Variants in ATP9A observed in about 807,000 individuals in gnomAD.
The protein encoded by ATP9A is ATPase phospholipid transporting 9A, also known as probable phospholipid-transporting ATPase IIA.
ATP9A carries 52 observed loss-of-function variants against 144.1 expected under a neutral mutation model. The observed-to-expected ratio is 0.36, with a 90% confidence interval of 0.29 to 0.45. ATP9A has a LOEUF of 0.45. Ranked by LOEUF, ATP9A falls within the 20% of genes least tolerant of loss-of-function variation. The pLI, the probability that ATP9A is intolerant of heterozygous loss-of-function variation, is 1.00. For synonymous variants in ATP9A, 582 were observed against 557.4 expected, an observed-to-expected ratio of 1.04 and a Z score of -0.62; for missense variants, 947 against 1,392.7, an observed-to-expected ratio of 0.68 and a Z score of 5.09.
intron 7 of ATP9A, 41 bp downstream of exon 7, chr20:51,693,962 CTAAGA>C (rs1310619773): frequency 6.4e-7 from 1 of 1,554,030 alleles, no homozygotes; most frequent in Non-Finnish European, 8.8e-7. Flanking sequence ...GAGAACCCTG[CTAAGA>C]TAGGTTGCCC....
intron 3 of ATP9A, among the ~76,000 whole-genome samples, chr20:51,724,623 C>G (rs1314524356): frequency 5.3e-5 from 8 of 152,218 alleles, no homozygotes; most frequent in Non-Finnish European, 7.3e-5. Context: ...TATTGTCTAT[C>G]CCTTCTGAAT....
Position 51,617,619 on chromosome 20 carries a change from T to C in ATP9A, c.2351-65A>G. ...CTTACCTTAACCAAGAATGTATGCT[T>C]GTCTTTACCGCACTCTCGTCTTTCA... On this transcript the variant is annotated intron_variant, in intron 21 of 27. Transcript: ENST00000338821. 2.6e-6 allele frequency: 4 copies of C among 1,551,280 alleles called. No homozygotes were observed. The Middle Eastern group carries it at 6.7e-4, about 260-fold the overall frequency.
At chr20:51,706,855 CAGCAGTTTTTCAAACAGCTCAGTG>C (rs2122841753) in intron 4 of ATP9A, among the ~76,000 whole-genome samples, 1 of 152,324 alleles carries the variant, frequency 6.6e-6, no homozygotes, top group Non-Finnish European at 1.5e-5. Flanking sequence ...CTAATTTGAA[CAGCAGTTTTTCAAACAGCTCAGTG>C]CCACCTTTTT....
chr20:51,657,116 G>T lies in ATP9A; in HGVS notation c.1328C>A (p.Thr443Lys). 1 of 1,614,152 alleles carries T rather than the reference G, an allele frequency of 6.2e-7. No individual in the cohort carries two copies. The highest frequency in any genetic ancestry group is 8.5e-7 in the Non-Finnish European group (1 of 1,180,038). ...SQDPPAQKGP[T>K]LTTKVRRTMS... is the part of the protein sequence containing the mutation. ...GGTCCGCCGGACCTTAGTGGTGAGC[G>T]TTGGGCCCTTCTGAGCCGGTGGGTC... The change falls in exon 14 of 28, where the codon ACG becomes AAG. Residue 443 changes from threonine to lysine, a missense_variant. Thr to Lys is a moderately conservative substitution (Grantham distance 78). This residue lies in a region of ATP9A where 770 missense variants were observed against 1,047.9 expected (regional missense o/e 0.73). Coordinates refer to ENST00000338821, the MANE Select transcript of ATP9A (RefSeq NM_006045.3).
chr20:51,766,300 T>C (rs1463530171), intron 1 of ATP9A, among the ~76,000 whole-genome samples: 1 of 152,176 alleles, frequency 6.6e-6, no homozygotes, highest in African/African-American at 2.4e-5. Flanking sequence ...TCCCTGGTGA[T>C]TGCAATGAAC....
intron 15 of ATP9A, among the ~76,000 whole-genome samples, chr20:51,630,154 G>A (rs1308564477): frequency 6.6e-6 from 1 of 152,242 alleles, no homozygotes; most frequent in African/African-American, 2.4e-5. Flanking sequence ...ACCACCACCA[G>A]GAACTCCTCC....
chr20:51,632,787 C>A (rs763738802), intron 15 of ATP9A, among the ~76,000 whole-genome samples: 1 of 152,078 alleles, frequency 6.6e-6, no homozygotes, highest in Non-Finnish European at 1.5e-5. Context: ...TAAAGACAAC[C>A]TCACCAAGAT....
chr20:51,607,297 T>A (rs1026448426), intron 26 of ATP9A, among the ~76,000 whole-genome samples: 1 of 152,232 alleles, frequency 6.6e-6, no homozygotes, highest in Non-Finnish European at 1.5e-5. Context: ...TTGATTACTG[T>A]CCACTGCCTT....
chr20:51,674,320 G>A lies in ATP9A; in HGVS notation c.877-7C>T, dbSNP rs1396652820. On this transcript the variant is annotated splice_region_variant and splice_polypyrimidine_tract_variant and intron_variant, in intron 10 of 27. Transcript: ENST00000338821. ...CCAAGTCGAACAGGCCGATCTGTGG[G>A]ACGAAGCACAAACCAGGGCTTGAGA... 6.2e-7 allele frequency: 1 copy of A among 1,612,502 alleles called. No individual in the cohort carries two copies. Among genetic ancestry groups the A allele is most frequent in the South Asian group, 1.1e-5 (1 of 91,022 alleles).
intron 8 of ATP9A, among the ~76,000 whole-genome samples, 167 bp downstream of exon 8, chr20:51,690,572 C>T (rs1420659482): frequency 6.6e-6 from 1 of 152,200 alleles, no homozygotes; most frequent in African/African-American, 2.4e-5. Flanking sequence ...CCAGTTGTGT[C>T]GACCTTACTG....
At chr20:51,646,014 G>A (rs138869127) in intron 14 of ATP9A, among the ~76,000 whole-genome samples, 1 of 152,296 alleles carries the variant, frequency 6.6e-6, no homozygotes, top group East Asian at 1.9e-4. Flanking sequence ...AGATACATTA[G>A]ACGCGAGCTG....
intron 3 of ATP9A, 64 bp from the exon 4 acceptor site, chr20:51,713,138 C>A: frequency 6.9e-7 from 1 of 1,455,934 alleles, no homozygotes; most frequent in East Asian, 2.4e-5. Context: ...CCAACCGTCC[C>A]CTCCTGGTGC....
At chr20:51,647,637 G>T (rs1045670307) in intron 14 of ATP9A, among the ~76,000 whole-genome samples, 1 of 152,144 alleles carries the variant, frequency 6.6e-6, no homozygotes, top group Admixed American at 6.5e-5. Context: ...GGCTAAGGCA[G>T]GAGAATAGCT....
chr20:51,677,008 A>G (rs1213538924), intron 9 of ATP9A, among the ~76,000 whole-genome samples: 3 of 140,364 alleles, frequency 2.1e-5, no homozygotes, highest in Admixed American at 8.0e-5. Context: ...TTAATAGCTC[A>G]CTGCAGCCTC....
chr20:51,630,996 A>G (rs2077267617), intron 15 of ATP9A, among the ~76,000 whole-genome samples: 1 of 151,746 alleles, frequency 6.6e-6, no homozygotes, highest in African/African-American at 2.4e-5. Context: ...CCAAAACTAC[A>G]CTTCTGTCTG....
chr20:51,688,121 A>G (rs2077531520), intron 9 of ATP9A, among the ~76,000 whole-genome samples: 1 of 152,158 alleles, frequency 6.6e-6, no homozygotes, highest in Non-Finnish European at 1.5e-5. Context: ...AATGAGCATA[A>G]TATGAATAAT....
chr20:51,706,810 G>A (rs1045988175), intron 4 of ATP9A, among the ~76,000 whole-genome samples: 1 of 152,190 alleles, frequency 6.6e-6, no homozygotes, highest in Non-Finnish European at 1.5e-5. Flanking sequence ...GCTAGCTGAT[G>A]GCAGGTAGCC....
chr20:51,689,034 G>A (rs772493219), intron 9 of ATP9A, 30 bp downstream of exon 9: 14 of 1,605,468 alleles, frequency 8.7e-6, no homozygotes, highest in Admixed American at 3.3e-5. Context: ...TTTTCAAATT[G>A]CTACCACATT....
intron 1 of ATP9A, among the ~76,000 whole-genome samples, chr20:51,754,291 C>T (rs1041662165): frequency 2.6e-5 from 4 of 151,932 alleles, no homozygotes; most frequent in Admixed American, 2.6e-4. Context: ...CACCTGAGGT[C>T]GGGAGTTCAA....
Sources: gnomAD v4.1 joint callset for allele counts (sites outside exome capture counted in the v4.1 genomes callset) on GRCh38, gnomAD v4.1.1 for gene constraint, gnomAD v4.1.1 regional missense constraint, MANE v1.5 for transcripts, NCBI Gene and HGNC (gene_info 2026-07-23, HGNC 2026-07-21) for gene names.